Variants in NFIX observed in about 807,000 individuals in gnomAD.
NFIX encodes the protein nuclear factor 1 X-type.
In NFIX, 2 loss-of-function variants were observed where a neutral mutation model predicts 53.3. The observed-to-expected ratio is 0.04, with a 90% CI of 0.02 to 0.12. The LOEUF (loss-of-function observed/expected upper bound fraction) is 0.12, where lower values mean the gene tolerates loss of function less well. Ranked by LOEUF, NFIX falls within the 10% of genes least tolerant of loss-of-function variation. The probability of loss-of-function intolerance (pLI) is 1.00; values close to 1 mark genes in which losing one functional copy is unlikely to be tolerated. For synonymous variants in NFIX, 244 were observed against 289.0 expected (o/e 0.84, Z 1.58); for missense variants, 310 against 674.5 (o/e 0.46, Z 5.99).
intron 1 of NFIX, chr19:13,023,976 T>A: frequency 9.6e-7 from 1 of 1,043,544 alleles, no homozygotes; most frequent in Non-Finnish European, 1.3e-6. Flanking sequence ...CTCACAACTC[T>A]TTTGAGTCCA....
rs1436917614 is a variant in NFIX at position 13,068,004 on chromosome 19, C to T, written c.560-5043C>T. Among the ~76,000 whole-genome samples the T allele has an allele frequency of 2.0e-5, 3 of 151,810 alleles. No individual in the cohort carries two copies. The stretch of plus-strand genomic sequence containing the variant: ...CCTGTAGTTCCCAGTACTCGGGAGG[C>T]TGAGGCAGGAGAATGGCGTGAACCC... On this transcript the variant is annotated intron_variant, in intron 2 of 10. Transcript: ENST00000592199. This position sits in a 1 kb window ranked among gnomAD's most constrained non-coding sequence, Gnocchi z 4.2.
intron 6 of NFIX, 136 bp downstream of exon 6, chr19:13,075,807 G>A (rs1599849144): frequency 9.3e-7 from 1 of 1,076,392 alleles, no homozygotes; most frequent in Non-Finnish European, 1.3e-6. Flanking sequence ...CTTGCCTCCT[G>A]ATCTTCCAGG....
chr19:13,019,780 C>T (rs2012870680), intron 1 of NFIX, among the ~76,000 whole-genome samples: 3 of 146,084 alleles, frequency 2.1e-5, no homozygotes, highest in Admixed American at 6.8e-5. Context: ...AAGACAGAGG[C>T]TTTTCTTCCA....
At chr19:13,042,800 A>G (rs1426633868) in intron 2 of NFIX, among the ~76,000 whole-genome samples, 2 of 133,458 alleles carry the variant, frequency 1.5e-5, no homozygotes, top group South Asian at 2.2e-4. Context: ...TGGACATCCT[A>G]TTACACCAAG....
intron 1 of NFIX, among the ~76,000 whole-genome samples, chr19:12,999,261 C>T (rs1453903984): frequency 6.6e-6 from 1 of 151,628 alleles, no homozygotes; most frequent in Non-Finnish European, 1.5e-5. Flanking sequence ...GTAACCTCTG[C>T]CTCCCGGGTT....
In NFIX at chr19:13,094,967, T is replaced by C; in HGVS notation, c.*318T>C. ...AAGAAAGGATGCAGAACTGCCTTCC[T>C]CCCCCTGACCCCGCCCCGGCCTTCT... On this transcript the variant is annotated 3_prime_UTR_variant, in exon 11 of 11. Coordinates refer to ENST00000592199, the MANE Select transcript of NFIX (RefSeq NM_001365902.3). The surrounding 1 kb of genome is among the most constrained non-coding windows in gnomAD (Gnocchi z 4.3). The C allele has an allele frequency of 1.3e-5, 4 of 311,660 alleles. No homozygotes were observed. The highest frequency in any genetic ancestry group is 1.8e-5 in the Non-Finnish European group (3 of 167,454). 19.3% of individuals were successfully genotyped at this position (311,660 alleles called of 1,614,324 possible).
Position 13,068,668 on chromosome 19 carries a change from A to G in NFIX, c.560-4379A>G, listed in dbSNP as rs2054159230. On this transcript the variant is annotated intron_variant, in intron 2 of 10. Transcript: ENST00000592199. This position sits in a 1 kb window ranked among gnomAD's most constrained non-coding sequence, Gnocchi z 4.2. ...AGAACCTGGAGCCAAATCCCGTTTC[A>G]AAGGCTTCTTCAGCAGAGCCCACTT... Among the ~76,000 whole-genome samples, 1 of 152,256 alleles carries G rather than the reference A, an allele frequency of 6.6e-6. No homozygotes were observed. The highest frequency in any genetic ancestry group is 1.5e-5 in the Non-Finnish European group (1 of 68,044).
At chr19:13,075,331 A>G (rs2017027390) in intron 5 of NFIX, among the ~76,000 whole-genome samples, 1 of 152,004 alleles carries the variant, frequency 6.6e-6, no homozygotes, top group Non-Finnish European at 1.5e-5. Context: ...GAGGAAGAGG[A>G]GCAGGTTGAA....
Position 13,012,366 on chromosome 19 carries a change from C to A in NFIX, c.28-12655C>A, listed in dbSNP as rs113608929. On this transcript the variant is annotated intron_variant, in intron 1 of 10. Coordinates refer to ENST00000592199, the MANE Select transcript of NFIX (RefSeq NM_001365902.3). The surrounding 1 kb of genome is among the most constrained non-coding windows in gnomAD (Gnocchi z 5.0). ...AGGCACCGTAGGCCCTCTAGTGGGTCTGGGTGGCGTCCTCCCGGCCCCTCG... is the reference window on the plus strand; with the variant it reads ...AGGCACCGTAGGCCCTCTAGTGGGTATGGGTGGCGTCCTCCCGGCCCCTCG... 9.5e-4 allele frequency: 144 copies of A among 152,320 alleles called. No homozygotes were observed. The highest frequency in any genetic ancestry group is 3.4e-3 in the African/African-American group (140 of 41,534). The allele number at this position is 152,320 out of a possible 1,614,324, so 9.4% of individuals were successfully genotyped here.
rs1193290192 is a variant in NFIX, at chr19:13,014,077, ATAAT to A, written c.28-10940_28-10937del. ...TTTTTAAATAATGCTAAGCATTGGAATAATTAAAGAGTGAGAAATAACTCGTCTC... is the reference window on the plus strand; with the variant it reads ...TTTTTAAATAATGCTAAGCATTGGAATAAAGAGTGAGAAATAACTCGTCTC... On this transcript the variant is annotated intron_variant, in intron 1 of 10. Coordinates refer to ENST00000592199, the MANE Select transcript of NFIX (RefSeq NM_001365902.3). This position sits in a 1 kb window ranked among gnomAD's most constrained non-coding sequence, Gnocchi z 4.4. 3 of 152,338 alleles carry A rather than the reference ATAAT, an allele frequency of 2.0e-5. No homozygotes were observed. The highest frequency in any genetic ancestry group is 2.9e-5 in the Non-Finnish European group (2 of 68,044). The allele number at this position is 152,338 out of a possible 1,614,324, so 9.4% of individuals were successfully genotyped here.
chr19:12,997,100 C>G (rs1461028356), intron 1 of NFIX, among the ~76,000 whole-genome samples: 2 of 152,254 alleles, frequency 1.3e-5, no homozygotes, highest in Admixed American at 6.5e-5. Flanking sequence ...CCAGCCTGAT[C>G]CTTGTCAGCC....
rs2014255379 is a variant in NFIX at position 13,037,081 on chromosome 19, C to T, written c.559+11529C>T. On this transcript the variant is annotated intron_variant, in intron 2 of 10. Coordinates refer to ENST00000592199, the MANE Select transcript of NFIX (RefSeq NM_001365902.3). This position sits in a 1 kb window ranked among gnomAD's most constrained non-coding sequence, Gnocchi z 4.2. ...TTAATGGGTGAGACAGGCCATCTGC[C>T]CTTGGGTATTTGACCCAACGGGAAG... 6.6e-6 allele frequency among the ~76,000 whole-genome samples: 1 copy of T among 152,092 alleles called. No homozygotes were observed. The highest frequency in any genetic ancestry group is 1.5e-5 in the Non-Finnish European group (1 of 68,004).
rs1374870338 is a variant in NFIX at position 13,073,925 on chromosome 19, A to G, written c.717A>G (p.Ser239=). ...RVSQTPVATA[S]GPNFSLADLE... is the part of the protein sequence containing the mutation. ...TCCCAGCTCCTGTTGCAACAGCATC[A>G]GGGCCCAACTTCTCCCTGGCGGACC... The change falls in exon 5 of 11, where the codon TCA becomes TCG. Residue 239 remains serine, a synonymous_variant. Transcript: ENST00000592199. The surrounding 1 kb of genome is among the most constrained non-coding windows in gnomAD (Gnocchi z 4.5). The G allele has an allele frequency of 9.9e-6, 16 of 1,613,790 alleles. No homozygotes were observed. The highest frequency in any genetic ancestry group is 2.2e-5 in the East Asian group (1 of 44,886).
Position 13,011,067 on chromosome 19 carries a change from A to G in NFIX, c.28-13954A>G, listed in dbSNP as rs553861415. Among the ~76,000 whole-genome samples the G allele has an allele frequency of 3.3e-5, 5 of 152,018 alleles. No individual in the cohort carries two copies. The highest frequency in any genetic ancestry group is 2.1e-4 in the South Asian group (1 of 4,810). On this transcript the variant is annotated intron_variant, in intron 1 of 10. Coordinates refer to ENST00000592199, the MANE Select transcript of NFIX (RefSeq NM_001365902.3). The surrounding 1 kb of genome is among the most constrained non-coding windows in gnomAD (Gnocchi z 6.5). ...TTTGTACTTGGATTTTACCACCCCC[A>G]CTAGGCTTCGACCCAAACCTGCAAA...
chr19:13,082,118 A>G, intron 8 of NFIX: 3 of 490,560 alleles, frequency 6.1e-6, no homozygotes, highest in South Asian at 6.2e-5. Context: ...TGCCTTTCCC[A>G]TGGTCCTTGC....
At chr19:13,091,685 G>A (rs1475399698) in intron 10 of NFIX, among the ~76,000 whole-genome samples, 3 of 152,186 alleles carry the variant, frequency 2.0e-5, no homozygotes. Context: ...GAGCCCTGCT[G>A]GCAGAGGCGG....
At chr19:13,019,285 A>T (rs138449143) in intron 1 of NFIX, among the ~76,000 whole-genome samples, 1 of 152,208 alleles carries the variant, frequency 6.6e-6, no homozygotes, top group Non-Finnish European at 1.5e-5. Flanking sequence ...TTAACACTGT[A>T]TATGTGAGTG....
intron 1 of NFIX, chr19:13,023,988 A>C: frequency 7.1e-7 from 1 of 1,410,110 alleles, no homozygotes; most frequent in Non-Finnish European, 9.3e-7. Context: ...TTGAGTCCAG[A>C]ATCTCAGAAT....
chr19:13,012,066 G>C lies in NFIX; in HGVS notation c.28-12955G>C, dbSNP rs1307276246. 1.3e-5 allele frequency: 2 copies of C among 152,332 alleles called. No homozygotes were observed. Among genetic ancestry groups the C allele is most frequent in the Admixed American group, 6.5e-5 (1 of 15,290 alleles). 9.4% of individuals were successfully genotyped at this position (152,332 alleles called of 1,614,324 possible). On this transcript the variant is annotated intron_variant, in intron 1 of 10. Coordinates refer to ENST00000592199, the MANE Select transcript of NFIX (RefSeq NM_001365902.3). The surrounding 1 kb of genome is among the most constrained non-coding windows in gnomAD (Gnocchi z 5.0). ...TGGACCGTGCAGGAGGCCCAGAACC[G>C]GGGCGCGAAGGGGCCGCGGGACACG...
Sources: gnomAD v4.1 joint callset for allele counts (sites outside exome capture counted in the v4.1 genomes callset) on GRCh38, gnomAD v4.1.1 for gene constraint, Gnocchi (gnomAD v3.1) non-coding constraint, MANE v1.5 for transcripts, NCBI Gene and HGNC (gene_info 2026-07-23, HGNC 2026-07-21) for gene names.